ADCY10: variants seen among roughly 807,000 people sequenced by gnomAD.
ADCY10 encodes the protein adenylate cyclase 10, also known as adenylate cyclase type 10.
ADCY10 carries 156 observed loss-of-function variants against 183.3 expected under a neutral mutation model. That is an observed-to-expected ratio of 0.85 (90% CI 0.75 to 0.97). The LOEUF (loss-of-function observed/expected upper bound fraction) is 0.97. ADCY10 is among the 50% of genes least tolerant of loss of function. ADCY10 has a pLI of 0.00. For synonymous variants in ADCY10, 645 were observed against 670.0 expected (o/e 0.96, Z 0.58); for missense variants, 1,745 against 1,934.3 (o/e 0.90, Z 1.84).
intron 31 of ADCY10, among the ~76,000 whole-genome samples, chr1:167,813,402 G>T (rs1232418467): frequency 6.6e-6 from 1 of 151,770 alleles, no homozygotes; most frequent in East Asian, 1.9e-4. Flanking sequence ...CTTCTATTCA[G>T]CAAAAGCGTC....
At chr1:167,885,178 C>T (rs1323811697) in intron 8 of ADCY10, among the ~76,000 whole-genome samples, 1 of 152,150 alleles carries the variant, frequency 6.6e-6, no homozygotes, top group Non-Finnish European at 1.5e-5. Context: ...TTTTCTTTAT[C>T]CATTTCTCTG....
chr1:167,880,223 A>G (rs753978435), intron 10 of ADCY10, 32 bp from the exon 11 acceptor site: 2 of 1,573,826 alleles, frequency 1.3e-6, no homozygotes, highest in Non-Finnish European at 1.7e-6. Context: ...TTGTGGGGAA[A>G]GAAATAAAGA....
intron 30 of ADCY10, among the ~76,000 whole-genome samples, chr1:167,819,141 AATTCTTAC>A (rs1460887757): frequency 6.6e-6 from 1 of 151,942 alleles, no homozygotes; most frequent in Non-Finnish European, 1.5e-5. Flanking sequence ...TTATTCCAAC[AATTCTTAC>A]ATTGCATGAA....
In ADCY10 at chr1:167,832,854, A is replaced by G; in HGVS notation, c.3593+133T>C. 4 of 899,740 alleles carry G rather than the reference A, an allele frequency of 4.4e-6. No individual in the cohort carries two copies. In the South Asian group the frequency reaches 6.1e-5, roughly 14 times the overall value. The allele number at this position is 899,740 out of a possible 1,614,324, so 55.7% of individuals were successfully genotyped here. ...CACCTCCCACACTCGCCCCCTCCCCAGTGAATGGTCAGAGCCAAACAGGAG... is the reference window on the plus strand; with the variant it reads ...CACCTCCCACACTCGCCCCCTCCCCGGTGAATGGTCAGAGCCAAACAGGAG... On this transcript the variant is annotated intron_variant, in intron 25 of 32. Coordinates refer to ENST00000367851, the MANE Select transcript of ADCY10 (RefSeq NM_018417.6).
At chr1:167,835,428 G>T (rs946700977) in intron 23 of ADCY10, among the ~76,000 whole-genome samples, 63 of 152,168 alleles carry the variant, frequency 4.1e-4, no homozygotes, top group Non-Finnish European at 9.0e-4. Context: ...TTCATCATGT[G>T]TATCAAATCC....
At chr1:167,906,448 A>G (rs576782397) in intron 1 of ADCY10, among the ~76,000 whole-genome samples, 66 of 152,212 alleles carry the variant, frequency 4.3e-4, no homozygotes, top group African/African-American at 1.5e-3. Context: ...ATTAAATCAA[A>G]TAAATAACTT....
At chr1:167,833,473 C>T (rs1307871902) in intron 24 of ADCY10, among the ~76,000 whole-genome samples, 1 of 152,148 alleles carries the variant, frequency 6.6e-6, no homozygotes, top group Non-Finnish European at 1.5e-5. Flanking sequence ...GGGCCGGGCA[C>T]GGTGGCTAAC....
chr1:167,899,366 A>G, intron 6 of ADCY10, 57 bp downstream of exon 6: 1 of 1,552,660 alleles, frequency 6.4e-7, no homozygotes, highest in Non-Finnish European at 8.9e-7. Flanking sequence ...CTCTTCTGGC[A>G]GGGGGCCTCT....
intron 2 of ADCY10, 78 bp from the exon 3 acceptor site, chr1:167,904,069 C>A (rs1204362085): frequency 6.5e-6 from 5 of 771,978 alleles, no homozygotes; most frequent in Non-Finnish European, 1.1e-5. Context: ...CCCTGGAAGG[C>A]AGCGGGCCTC....
intron 25 of ADCY10, among the ~76,000 whole-genome samples, chr1:167,830,938 C>A (rs1052075726): frequency 1.3e-5 from 2 of 152,220 alleles, no homozygotes; most frequent in African/African-American, 4.8e-5. Flanking sequence ...TCCCTCCCAA[C>A]TTCCTGCCTT....
At chr1:167,913,195 A>C (rs943426458) in intron 1 of ADCY10, among the ~76,000 whole-genome samples, 1 of 152,216 alleles carries the variant, frequency 6.6e-6, no homozygotes, top group Non-Finnish European at 1.5e-5. Flanking sequence ...GTCAAAAGGC[A>C]AGCAGGCGAA....
At chr1:167,811,169 A>G (rs984801558) in intron 31 of ADCY10, among the ~76,000 whole-genome samples, 8 of 152,196 alleles carry the variant, frequency 5.3e-5, no homozygotes, top group African/African-American at 1.9e-4. Context: ...CTTTTTTTAA[A>G]AAATTATTTT....
intron 25 of ADCY10, among the ~76,000 whole-genome samples, chr1:167,832,488 C>T (rs1344376440): frequency 3.3e-5 from 5 of 152,122 alleles, no homozygotes; most frequent in Admixed American, 6.6e-5. Flanking sequence ...TTTTGACCAA[C>T]GGATACCCCC....
intron 1 of ADCY10, among the ~76,000 whole-genome samples, chr1:167,907,353 T>C (rs1316861985): frequency 6.6e-6 from 1 of 152,216 alleles, no homozygotes; most frequent in Non-Finnish European, 1.5e-5. Flanking sequence ...TAACAAAGGC[T>C]TATTTCTTGT....
At chr1:167,809,862 A>G (rs767974540) in intron 32 of ADCY10, 23 bp from the exon 33 acceptor site, 2 of 1,612,522 alleles carry the variant, frequency 1.2e-6, no homozygotes, top group East Asian at 4.5e-5. Flanking sequence ...AAACAGAACA[A>G]AGAAATCATT....
At chr1:167,888,289 A>G (rs1558236675) in intron 8 of ADCY10, among the ~76,000 whole-genome samples, 1 of 149,334 alleles carries the variant, frequency 6.7e-6, no homozygotes. Context: ...AAATTTTAGA[A>G]TTTTTTTTTT....
chr1:167,880,459 G>C lies in ADCY10; in HGVS notation c.1139+32C>G, dbSNP rs760093621. Reference sequence around the variant, plus strand: ...CTACTTATGCCTCAAAAGGGTCAGGGACCGCTGGGTGGGACCAGGGTCAAT... The same window carrying C: ...CTACTTATGCCTCAAAAGGGTCAGGCACCGCTGGGTGGGACCAGGGTCAAT... On this transcript the variant is annotated intron_variant, in intron 10 of 32. Transcript: ENST00000367851. The C allele has an allele frequency of 2.0e-6, 3 of 1,515,696 alleles. No individual in the cohort carries two copies. In the South Asian group the frequency reaches 3.4e-5, roughly 17 times the overall value. The allele number at this position is 1,515,696 out of a possible 1,614,324, so 93.9% of individuals were successfully genotyped here. A position where few individuals can be genotyped will look rare whatever the true frequency, so the allele number is the denominator to read the frequency against.
chr1:167,901,937 C>A, intron 4 of ADCY10, 79 bp downstream of exon 4: 1 of 1,604,448 alleles, frequency 6.2e-7, no homozygotes, highest in Non-Finnish European at 8.5e-7. Context: ...CTCTAGGATG[C>A]CTCCTTTGTC....
chr1:167,883,122 C>T (rs1483442137), intron 9 of ADCY10, among the ~76,000 whole-genome samples: 1 of 152,256 alleles, frequency 6.6e-6, no homozygotes, highest in Non-Finnish European at 1.5e-5. Flanking sequence ...ACTGCAACCT[C>T]CGCCTCTCAG....
Sources: gnomAD v4.1 joint callset for allele counts (sites outside exome capture counted in the v4.1 genomes callset) on GRCh38, gnomAD v4.1.1 for gene constraint, MANE v1.5 for transcripts, NCBI Gene and HGNC (gene_info 2026-07-23, HGNC 2026-07-21) for gene names.